The following NCOR1 variants were observed in gnomAD, a reference collection of about 807,000 sequenced individuals.
The protein encoded by NCOR1 is nuclear receptor corepressor 1, also known as protein phosphatase 1, regulatory subunit 109.
A neutral mutation model predicts 288.1 loss-of-function variants in NCOR1; 63 were observed. The observed-to-expected ratio is 0.22, with a 90% CI of 0.18 to 0.27. NCOR1 has a LOEUF of 0.27. NCOR1 is among the 10% of genes least tolerant of loss of function. The pLI is 1.00. For synonymous variants in NCOR1, 1,007 were observed against 1,065.9 expected (o/e 0.94, Z 1.08); for missense variants, 2,397 against 3,019.2 (o/e 0.79, Z 4.83).
At chr17:16,199,214 A>ACAC (rs1555813515) in intron 1 of NCOR1, among the ~76,000 whole-genome samples, 17 of 111,794 alleles carry the variant, frequency 1.5e-4, no homozygotes, top group African/African-American at 5.5e-4. Context: ...GAAAAAAAAA[A>ACAC]AAACACACAC....
chr17:16,064,321 T>G (rs1340707310), intron 34 of NCOR1, 134 bp from the exon 35 acceptor site: 9 of 1,170,844 alleles, frequency 7.7e-6, no homozygotes. Flanking sequence ...TTGTTTTGGC[T>G]GGGTGCAGTG....
At chr17:16,110,565 A>G (rs900519413) in intron 18 of NCOR1, among the ~76,000 whole-genome samples, 1 of 152,182 alleles carries the variant, frequency 6.6e-6, no homozygotes, top group Non-Finnish European at 1.5e-5. Context: ...AGAAGGCTTA[A>G]TATCTTCTGT....
chr17:16,092,532 G>C (rs994099083), intron 21 of NCOR1, among the ~76,000 whole-genome samples: 3 of 150,588 alleles, frequency 2.0e-5, no homozygotes, highest in African/African-American at 7.3e-5. Flanking sequence ...TGTAATAACA[G>C]AAATCAAAAA....
chr17:16,161,234 C>G (rs1194601498), intron 5 of NCOR1, among the ~76,000 whole-genome samples: 1 of 30,400 alleles, frequency 3.3e-5, no homozygotes, highest in African/African-American at 1.2e-4. Context: ...CACACAGACA[C>G]ACACACACAC....
chr17:16,165,366 G>A (rs1378049072), intron 4 of NCOR1, among the ~76,000 whole-genome samples: 1 of 152,046 alleles, frequency 6.6e-6, no homozygotes, highest in Non-Finnish European at 1.5e-5. Context: ...CTATTTTGAA[G>A]ACCCTAAAAG....
At chr17:16,056,737 G>A (rs1410327564) in intron 40 of NCOR1, among the ~76,000 whole-genome samples, 1 of 152,140 alleles carries the variant, frequency 6.6e-6, no homozygotes, top group Non-Finnish European at 1.5e-5. Flanking sequence ...ACCAAACACA[G>A]AATATCAGGT....
At chr17:16,144,389 T>G (rs902056299) in intron 10 of NCOR1, among the ~76,000 whole-genome samples, 18 of 152,174 alleles carry the variant, frequency 1.2e-4, no homozygotes, top group African/African-American at 4.3e-4. Flanking sequence ...AAAATTAAAT[T>G]TACTAAGACA....
chr17:16,041,404 CTTTTTTTTTTT>C (rs3031059), intron 42 of NCOR1: 2 of 103,790 alleles, frequency 1.9e-5, no homozygotes, highest in Non-Finnish European at 3.8e-5. Flanking sequence ...TGTGAAAGTT[CTTTTTTTTTTT>C]TTTTTTTCCT....
chr17:16,057,783 G>C (rs2152552717), intron 39 of NCOR1, 46 bp from the exon 40 acceptor site: 1 of 1,535,190 alleles, frequency 6.5e-7, no homozygotes, highest in Non-Finnish European at 8.8e-7. Flanking sequence ...TTGAGTACTT[G>C]CAAAAAAAAA....
rs2072880851 is a variant in NCOR1 at position 16,120,933 on chromosome 17, CCA to C, written c.1852+117_1852+118del. ...CATTAAAGTTTAAAAAATTTAAAGA[CCA>C]CACTTCAGGATTATTTCTAGGTTGT... On this transcript the variant is annotated intron_variant, in intron 16 of 45. Coordinates refer to ENST00000268712, the MANE Select transcript of NCOR1 (RefSeq NM_006311.4). The C allele has an allele frequency of 6.5e-6, 6 of 921,462 alleles. No homozygotes were observed. The Admixed American group carries it at 1.8e-4, about 27-fold the overall frequency. 57.1% of individuals were successfully genotyped at this position (921,462 alleles called of 1,614,324 possible). A position where few individuals can be genotyped will look rare whatever the true frequency, so the allele number is the denominator to read the frequency against.
chr17:16,041,373 C>G (rs1194902438), intron 42 of NCOR1: 2 of 146,974 alleles, frequency 1.4e-5, no homozygotes, highest in Non-Finnish European at 3.0e-5. Flanking sequence ...AGTGGGCAGC[C>G]AAATGATGTG....
At chr17:16,140,997 C>CAAAAAAAAAAAAAA (rs372397821) in intron 11 of NCOR1, among the ~76,000 whole-genome samples, 9 of 113,688 alleles carry the variant, frequency 7.9e-5, no homozygotes, top group African/African-American at 2.7e-4. Flanking sequence ...TCTCCTATCT[C>CAAAAAAAAAAAAAA]AAAAAAAAAA....
Position 16,126,194 on chromosome 17 carries a change from G to A in NCOR1, c.1522C>T (p.Pro508Ser), listed in dbSNP as rs772933971. 1.3e-5 allele frequency: 20 copies of A among 1,518,746 alleles called. No individual in the cohort carries two copies. Among genetic ancestry groups the A allele is most frequent in the Admixed American group, 2.2e-5 (1 of 44,938 alleles). 94.1% of individuals were successfully genotyped at this position (1,518,746 alleles called of 1,614,324 possible). Residue 508 changes from proline (P) to serine (S), a missense_variant, in exon 15 of 46, where the codon CCC becomes TCC. Physicochemically the swap from Pro to Ser is moderately conservative, Grantham distance 74 (BLOSUM62 -1). Around this residue, in one of 11 missense-constraint regions of NCOR1, gnomAD observed 113 missense variants for 139.5 expected, o/e 0.81. Coordinates refer to ENST00000268712, the MANE Select transcript of NCOR1 (RefSeq NM_006311.4). Reference protein sequence around the residue: ...RRGRNQQIARPSQEEKVEEKE... With the variant: ...RRGRNQQIARSSQEEKVEEKE... ...TCTTCTACTTTTTCTTCTTGCGAGGGTCGAGCAATTTGCTGCTAGAATGAA... is the reference window on the plus strand; with the variant it reads ...TCTTCTACTTTTTCTTCTTGCGAGGATCGAGCAATTTGCTGCTAGAATGAA...
chr17:16,182,236 G>A (rs140920097), intron 3 of NCOR1, among the ~76,000 whole-genome samples: 9 of 152,170 alleles, frequency 5.9e-5, no homozygotes, highest in African/African-American at 2.2e-4. Context: ...ACAATAATTG[G>A]GGGAAGGGAA....
chr17:16,153,798 T>C (rs1034393432), intron 6 of NCOR1, among the ~76,000 whole-genome samples: 2 of 152,256 alleles, frequency 1.3e-5, no homozygotes, highest in East Asian at 1.9e-4. Context: ...TCATCTTTAA[T>C]AGAAACTTAA....
intron 8 of NCOR1, among the ~76,000 whole-genome samples, chr17:16,150,366 A>T (rs1431691877): frequency 6.6e-6 from 1 of 152,168 alleles, no homozygotes; most frequent in Non-Finnish European, 1.5e-5. Context: ...TACAAAGCAA[A>T]TGACGGTGAT....
At position 16,139,084 on chromosome 17, in the gene NCOR1, C is replaced by G; in HGVS notation, c.1276G>C (p.Asp426His). ...CTATCTTTATACACTTTCATAGGGTCCTCCATAAGCCCATTCATGTTAATG... is the reference window on the plus strand; with the variant it reads ...CTATCTTTATACACTTTCATAGGGTGCTCCATAAGCCCATTCATGTTAATG... ...KFINMNGLME[D>H]PMKVYKDRQF... Residue 426 changes from aspartate to histidine, a missense_variant, in exon 12 of 46, where the codon GAC (aspartate) becomes CAC (histidine). By Grantham distance (81) the Asp-to-His change is moderately conservative (BLOSUM62 -1). This residue lies in a region of NCOR1 where 80 missense variants were observed against 100.3 expected (regional missense o/e 0.80). Coordinates refer to ENST00000268712, the MANE Select transcript of NCOR1 (RefSeq NM_006311.4). 1 of 1,612,620 alleles carries G rather than the reference C, an allele frequency of 6.2e-7. No homozygotes were observed. The highest frequency in any genetic ancestry group is 1.1e-5 in the South Asian group (1 of 90,888).
intron 13 of NCOR1, 92 bp downstream of exon 13, chr17:16,138,066 T>C (rs1366855732): frequency 1.3e-5 from 13 of 977,150 alleles, no homozygotes; most frequent in Non-Finnish European, 2.1e-5. Flanking sequence ...AAATCGGTTC[T>C]AGTTAACTAC....
At position 16,198,762 on chromosome 17, in the gene NCOR1, T is replaced by C. The variant is rs2090311499; in HGVS notation, c.-70-4123A>G. 2.6e-5 allele frequency: 4 copies of C among 152,096 alleles called. No homozygotes were observed. In the South Asian group the frequency reaches 8.3e-4, roughly 32 times the overall value. The allele number at this position is 152,096 out of a possible 1,614,324, so 9.4% of individuals were successfully genotyped here. Reference sequence around the variant, plus strand: ...AAAAGAGTATTTCACTATATGAACATTCATGCATTTTGTAAAAGTTTTCCA... The same window carrying C: ...AAAAGAGTATTTCACTATATGAACACTCATGCATTTTGTAAAAGTTTTCCA... On this transcript the variant is annotated intron_variant, in intron 1 of 45. Transcript: ENST00000268712.
Sources: allele counts gnomAD v4.1 joint callset (sites outside exome capture counted in the v4.1 genomes callset), GRCh38; gene constraint gnomAD v4.1.1; regional missense constraint gnomAD v4.1.1; transcripts MANE v1.5; gene names NCBI Gene and HGNC (gene_info 2026-07-23, HGNC 2026-07-21).